BCAS1: variants seen among roughly 807,000 people sequenced by gnomAD.
BCAS1 encodes the protein brain enriched myelin associated protein 1, also known as breast carcinoma-amplified sequence 1.
In BCAS1, 46 loss-of-function variants were observed where a neutral mutation model predicts 65.4. The ratio of observed to expected loss-of-function variants is 0.70; its 90% CI spans 0.55 to 0.90. The LOEUF is 0.90. Among genes scored for constraint, BCAS1 ranks in the 40% least tolerant of loss-of-function variants. The pLI is 0.00. For missense variants in BCAS1, 793 were observed against 771.2 expected, an observed-to-expected ratio of 1.03 and a Z score of -0.33; for synonymous variants, 298 against 293.5, an observed-to-expected ratio of 1.02 and a Z score of -0.16.
chr20:53,948,716 C>T (rs558126223), intron 12 of BCAS1, among the ~76,000 whole-genome samples: 2 of 152,344 alleles, frequency 1.3e-5, no homozygotes, highest in South Asian at 4.1e-4. Context: ...TACCTGTTCT[C>T]TCTCCAGCCC....
chr20:54,003,229 A>C (rs1397594259), intron 4 of BCAS1, among the ~76,000 whole-genome samples: 30 of 43,784 alleles, frequency 6.9e-4, no homozygotes, highest in Middle Eastern at 0.019. Context: ...AAACAGACAA[A>C]AAAAAAAAAA....
intron 1 of BCAS1, among the ~76,000 whole-genome samples, chr20:54,065,113 CATCTATCT>C (rs5841974): frequency 0.025 from 3,639 of 144,252 alleles, 60 homozygotes; most frequent in Admixed American, 0.036. Context: ...ATCTATCTAT[CATCTATCT>C]ATCTATCTAT....
chr20:54,025,027 C>T (rs1291174265), intron 4 of BCAS1, among the ~76,000 whole-genome samples: 4 of 152,088 alleles, frequency 2.6e-5, no homozygotes, highest in Non-Finnish European at 5.9e-5. Flanking sequence ...AGACGAGAAA[C>T]ATGATTTATT....
intron 1 of BCAS1, among the ~76,000 whole-genome samples, chr20:54,065,872 T>G (rs2092434398): frequency 6.6e-6 from 1 of 152,120 alleles, no homozygotes; most frequent in Non-Finnish European, 1.5e-5. Flanking sequence ...GCCCATGTGT[T>G]GTATAACTGG....
In BCAS1 at chr20:53,943,903, T is replaced by C. The variant is rs1168104960; in HGVS notation, c.*1019A>G. On this transcript the variant is annotated 3_prime_UTR_variant, in exon 13 of 13. Transcript: ENST00000688948. ...GGGATACAGTATTACAGGATAAAAA[T>C]GGGGACCTTGCCGCCCCCTTGTGTT... The C allele has an allele frequency of 4.6e-5, 7 of 152,140 alleles. No individual in the cohort carries two copies. The East Asian group carries it at 1.3e-3, about 29-fold the overall frequency. 9.4% of individuals were successfully genotyped at this position (152,140 alleles called of 1,614,324 possible). A position where few individuals can be genotyped will look rare whatever the true frequency, so the allele number is the denominator to read the frequency against.
At chr20:53,959,383 A>G (rs896998412) in intron 10 of BCAS1, among the ~76,000 whole-genome samples, 1 of 151,906 alleles carries the variant, frequency 6.6e-6, no homozygotes, top group Non-Finnish European at 1.5e-5. Context: ...CCTCCCAAGT[A>G]GTTGGGACTA....
chr20:54,017,259 G>C (rs1039264741), intron 4 of BCAS1, among the ~76,000 whole-genome samples: 1 of 152,156 alleles, frequency 6.6e-6, no homozygotes, highest in African/African-American at 2.4e-5. Context: ...CAAGTAAAAT[G>C]TGGGTAGAGA....
At chr20:53,995,107 AT>A in intron 5 of BCAS1, 51 bp from the exon 6 acceptor site, 1 of 1,501,320 alleles carries the variant, frequency 6.7e-7, no homozygotes, top group East Asian at 2.3e-5. Context: ...CTTTAGAGTG[AT>A]TTTTATTTCA....
At chr20:53,976,929 C>T (rs189209591) in intron 8 of BCAS1, among the ~76,000 whole-genome samples, 5 of 152,284 alleles carry the variant, frequency 3.3e-5, no homozygotes, top group Admixed American at 3.3e-4. Flanking sequence ...AGTAGTGTTA[C>T]TGTATTAATC....
chr20:53,944,818 G>T lies in BCAS1; in HGVS notation c.*104C>A. 1 of 1,071,846 alleles carries T rather than the reference G, an allele frequency of 9.3e-7. No homozygotes were observed. Among genetic ancestry groups the T allele is most frequent in the Non-Finnish European group, 1.5e-6 (1 of 688,912 alleles). 66.4% of individuals were successfully genotyped at this position (1,071,846 alleles called of 1,614,324 possible). A position where few individuals can be genotyped will look rare whatever the true frequency, so the allele number is the denominator to read the frequency against. On this transcript the variant is annotated 3_prime_UTR_variant, in exon 13 of 13. Transcript: ENST00000688948. ...ATTTCTAGGCAGAATTTCATTTGCT[G>T]GCCATCAGAAGAATATATACATGGA... is the stretch of plus-strand genomic sequence containing the variant.
At chr20:54,049,471 A>G (rs2299698) in intron 3 of BCAS1, among the ~76,000 whole-genome samples, 20,975 of 152,198 alleles carry the variant, frequency 0.14, 1,887 homozygotes, top group East Asian at 0.36. Context: ...CCAAAGATCT[A>G]TGAAGTTTTA....
At chr20:54,041,909 C>CAAAAAAAAAAAAAAAAAAAAAAA (rs796435949) in intron 3 of BCAS1, among the ~76,000 whole-genome samples, 3 of 79,782 alleles carry the variant, frequency 3.8e-5, no homozygotes, top group African/African-American at 5.4e-5. Flanking sequence ...CTGTCTCCCC[C>CAAAAAAAAAAAAAAAAAAAAAAA]AAAAAAAAAA....
chr20:53,948,827 C>T (rs1011805494), intron 12 of BCAS1, among the ~76,000 whole-genome samples: 1 of 152,216 alleles, frequency 6.6e-6, no homozygotes, highest in Admixed American at 6.5e-5. Context: ...GGCCTGGCCA[C>T]TTTGACTTGG....
At chr20:53,945,967 T>C (rs2089302592) in intron 12 of BCAS1, among the ~76,000 whole-genome samples, 1 of 151,736 alleles carries the variant, frequency 6.6e-6, no homozygotes, top group Admixed American at 6.6e-5. Flanking sequence ...AGAGACGGGG[T>C]CTCAATTTGT....
intron 12 of BCAS1, among the ~76,000 whole-genome samples, chr20:53,952,740 G>A (rs893367246): frequency 2.6e-5 from 4 of 152,194 alleles, no homozygotes; most frequent in South Asian, 2.1e-4. Context: ...TCATCACATC[G>A]TGACCAAATA....
intron 3 of BCAS1, among the ~76,000 whole-genome samples, chr20:54,030,478 TG>T (rs1345947720): frequency 2.0e-5 from 3 of 152,232 alleles, no homozygotes; most frequent in African/African-American, 7.2e-5. Context: ...GCATTTTGCT[TG>T]CTCTATCTGT....
intron 12 of BCAS1, among the ~76,000 whole-genome samples, chr20:53,948,351 C>T (rs1266396806): frequency 1.3e-5 from 2 of 150,118 alleles, no homozygotes; most frequent in Non-Finnish European, 3.0e-5. Flanking sequence ...GCATTTTCTT[C>T]ATTTATTAAA....
At chr20:54,035,066 A>T (rs570266634) in intron 3 of BCAS1, among the ~76,000 whole-genome samples, 4 of 151,474 alleles carry the variant, frequency 2.6e-5, no homozygotes, top group African/African-American at 9.6e-5. Context: ...AAGTGCTGGG[A>T]TAACCGGCTA....
At chr20:53,963,405 C>T (rs543562569) in intron 10 of BCAS1, among the ~76,000 whole-genome samples, 4 of 151,642 alleles carry the variant, frequency 2.6e-5, no homozygotes, top group East Asian at 3.9e-4. Flanking sequence ...CACTTGAACT[C>T]GGGAGGCAGA....
Sources: gnomAD v4.1 joint callset for allele counts (sites outside exome capture counted in the v4.1 genomes callset) on GRCh38, gnomAD v4.1.1 for gene constraint, MANE v1.5 for transcripts, NCBI Gene and HGNC (gene_info 2026-07-23, HGNC 2026-07-21) for gene names.